ERG: variants seen among roughly 807,000 people sequenced by gnomAD.
ERG encodes ETS transcription factor ERG.
A neutral mutation model predicts 55.3 loss-of-function variants in ERG; 9 were observed. That is an observed-to-expected ratio of 0.16 (90% CI 0.10 to 0.28). The LOEUF (loss-of-function observed/expected upper bound fraction) is 0.28, where lower values mean the gene tolerates loss of function less well. Among genes scored for constraint, ERG ranks in the 10% least tolerant of loss-of-function variants. The pLI, the probability that ERG is intolerant of heterozygous loss-of-function variation, is 1.00. For missense variants in ERG, 434 were observed against 631.6 expected (o/e 0.69, Z 3.35); for synonymous variants, 223 against 237.3 (o/e 0.94, Z 0.55).
At chr21:38,575,337 G>A (rs2059988307) in intron 2 of ERG, among the ~76,000 whole-genome samples, 1 of 152,098 alleles carries the variant, frequency 6.6e-6, no homozygotes, top group Admixed American at 6.5e-5. Flanking sequence ...ATTTTCAGCT[G>A]GCAGGCCATA....
rs186504797 is a variant in ERG at position 38,421,947 on chromosome 21, G to C, written c.388+1463C>G. ...GGCTCACTGCAACCTCTGCCTCTCT[G>C]GTTCAAGCGATTCTCCTGCCTCAGC... On this transcript the variant is annotated intron_variant, in intron 3 of 9. Coordinates refer to ENST00000288319, the MANE Select transcript of ERG (RefSeq NM_182918.4). 3.6e-3 allele frequency among the ~76,000 whole-genome samples: 542 copies of C among 152,300 alleles called. 4 individuals are homozygous for C. Among genetic ancestry groups the C allele is most frequent in the African/African-American group, 0.013 (526 of 41,574 alleles).
In ERG at chr21:38,460,409, A is replaced by C. The variant is rs2059031110; in HGVS notation, c.19-14788T>G. ...TTTTCCATCTCATAAGGGTTCTGCA[A>C]AGAAAATTCTTTCTATCTTTAAAGT... is the stretch of plus-strand genomic sequence containing the variant. On this transcript the variant is annotated intron_variant, in intron 1 of 9. Transcript: ENST00000288319. This position sits in a 1 kb window ranked among gnomAD's most constrained non-coding sequence, Gnocchi z 5.0. Among the ~76,000 whole-genome samples, 1 of 152,232 alleles carries C rather than the reference A, an allele frequency of 6.6e-6. No homozygotes were observed. The highest frequency in any genetic ancestry group is 1.5e-5 in the Non-Finnish European group (1 of 68,044).
chr21:38,480,926 A>G (rs1419120037), intron 1 of ERG, among the ~76,000 whole-genome samples: 1 of 152,144 alleles, frequency 6.6e-6, no homozygotes, highest in Non-Finnish European at 1.5e-5. Flanking sequence ...ACGAATGGAA[A>G]ACAAAATCTA....
At chr21:38,617,905 C>A (rs1207161159) in intron 1 of ERG, among the ~76,000 whole-genome samples, 4 of 152,164 alleles carry the variant, frequency 2.6e-5, no homozygotes, top group African/African-American at 9.7e-5. Flanking sequence ...TGTTTTCCCC[C>A]ACAGTGGCAC....
intron 1 of ERG, among the ~76,000 whole-genome samples, chr21:38,583,890 C>T (rs923755489): frequency 8.5e-5 from 13 of 152,170 alleles, no homozygotes; most frequent in African/African-American, 2.4e-4. Context: ...GCCTCCGGAA[C>T]GGTGAGATGA....
intron 1 of ERG, among the ~76,000 whole-genome samples, chr21:38,610,305 T>C (rs1201118814): frequency 1.3e-5 from 2 of 152,204 alleles, no homozygotes; most frequent in Non-Finnish European, 2.9e-5. Context: ...TGAGCCATAA[T>C]GGGTTCAAGG....
At chr21:38,406,961 T>C (rs1988803178) in intron 3 of ERG, among the ~76,000 whole-genome samples, 1 of 152,210 alleles carries the variant, frequency 6.6e-6, no homozygotes, top group Non-Finnish European at 1.5e-5. Context: ...TACTTATCTC[T>C]ACAAGTCTCA....
intron 5 of ERG, among the ~76,000 whole-genome samples, 176 bp downstream of exon 5, chr21:38,402,381 A>T (rs1988535912): frequency 6.6e-6 from 1 of 152,164 alleles, no homozygotes. Context: ...TCAGAAAACC[A>T]AAGGGCTTCA....
chr21:38,459,711 C>T (rs1480605582), intron 1 of ERG, among the ~76,000 whole-genome samples: 1 of 152,158 alleles, frequency 6.6e-6, no homozygotes, highest in Non-Finnish European at 1.5e-5. Flanking sequence ...TCACACATAT[C>T]TTCCAGGAAT....
At chr21:38,498,921 A>T (rs967726653), upstream of ERG, among the ~76,000 whole-genome samples, 1 of 152,184 alleles carries the variant, frequency 6.6e-6, no homozygotes, top group East Asian at 1.9e-4. This position sits in a 1 kb window ranked among gnomAD's most constrained non-coding sequence, Gnocchi z 4.6. Flanking sequence ...TTGCAGGTGG[A>T]GTTTATTTCA....
intron 2 of ERG, among the ~76,000 whole-genome samples, chr21:38,554,195 G>A (rs1182816834): frequency 6.6e-6 from 1 of 152,296 alleles, no homozygotes; most frequent in African/African-American, 2.4e-5. Context: ...TGTTGGTGAG[G>A]CTGCAGAGAA....
At chr21:38,379,571 G>T (rs192424614), downstream of ERG, among the ~76,000 whole-genome samples, 364 of 152,062 alleles carry the variant, frequency 2.4e-3, 3 homozygotes, top group African/African-American at 8.2e-3. Context: ...ACATATTCTA[G>T]CACTAATTAT....
chr21:38,560,106 T>C (rs551813419), intron 2 of ERG, among the ~76,000 whole-genome samples: 65 of 152,362 alleles, frequency 4.3e-4, no homozygotes, highest in Middle Eastern at 3.4e-3. Context: ...ATGAAAATTA[T>C]ACAGATTTTG....
At chr21:38,546,864 C>T (rs2059791271) in intron 2 of ERG, among the ~76,000 whole-genome samples, 1 of 152,200 alleles carries the variant, frequency 6.6e-6, no homozygotes, top group Non-Finnish European at 1.5e-5. Context: ...TCCTCGTTGA[C>T]CTCCCTCAGC....
At chr21:38,388,590 C>T (rs1987819437) in intron 9 of ERG, among the ~76,000 whole-genome samples, 1 of 152,172 alleles carries the variant, frequency 6.6e-6, no homozygotes, top group African/African-American at 2.4e-5. Flanking sequence ...GAAAAGTTCA[C>T]ATGAGCACAA....
intron 2 of ERG, among the ~76,000 whole-genome samples, chr21:38,506,608 T>C (rs190861543): frequency 1.3e-5 from 2 of 152,314 alleles, no homozygotes; most frequent in Admixed American, 6.5e-5. Flanking sequence ...CATCCAAACA[T>C]TATGCACTTA....
upstream of ERG, among the ~76,000 whole-genome samples, chr21:38,500,104 G>T (rs1024600582): frequency 2.0e-5 from 3 of 152,190 alleles, no homozygotes; most frequent in African/African-American, 7.2e-5. Flanking sequence ...ATTCTGGAGT[G>T]CGGAGGAGAA....
intron 1 of ERG, among the ~76,000 whole-genome samples, chr21:38,592,044 G>A (rs1000729757): frequency 3.3e-5 from 5 of 152,224 alleles, no homozygotes; most frequent in Admixed American, 3.3e-4. Flanking sequence ...ATGTTTCACA[G>A]CACAATGGTG....
chr21:38,382,296 G>T lies in ERG; in HGVS notation c.*1107C>A, dbSNP rs1490745378. On this transcript the variant is annotated 3_prime_UTR_variant, in exon 10 of 10. Transcript: ENST00000288319. ...AAACGCACAGCGTTCGCGACTCAAA[G>T]GAAAACTGGAGGCCGCCTACCCAAA... The T allele has an allele frequency of 3.0e-5, 32 of 1,054,568 alleles. No individual in the cohort carries two copies. The highest frequency in any genetic ancestry group is 3.3e-5 in the Non-Finnish European group (29 of 872,392). The allele number at this position is 1,054,568 out of a possible 1,614,324, so 65.3% of individuals were successfully genotyped here.
Sources: allele counts gnomAD v4.1 joint callset (sites outside exome capture counted in the v4.1 genomes callset), GRCh38; gene constraint gnomAD v4.1.1; non-coding constraint Gnocchi (gnomAD v3.1); transcripts MANE v1.5; gene names NCBI Gene and HGNC (gene_info 2026-07-23, HGNC 2026-07-21).